The following HBS1L variants were observed in gnomAD, a reference collection of about 807,000 sequenced individuals.
HBS1L encodes HBS1 like translational GTPase, also known as HBS1-like protein.
In HBS1L, 55 loss-of-function variants were observed where a neutral mutation model predicts 88.9. The observed-to-expected ratio is 0.62, with a 90% confidence interval of 0.50 to 0.77. The LOEUF (loss-of-function observed/expected upper bound fraction) is 0.77. Among genes scored for constraint, HBS1L ranks in the 30% least tolerant of loss-of-function variants. The pLI is 0.00. For missense variants in HBS1L, 741 were observed against 829.3 expected, an observed-to-expected ratio of 0.89 and a Z score of 1.31; for synonymous variants, 267 against 288.5, an observed-to-expected ratio of 0.93 and a Z score of 0.76.
chr6:135,003,703 G>A (rs1174949611), intron 4 of HBS1L, among the ~76,000 whole-genome samples: 2 of 151,686 alleles, frequency 1.3e-5, no homozygotes, highest in South Asian at 2.1e-4. Flanking sequence ...CCTCTCTACT[G>A]AAAATACAAA....
At chr6:135,037,733 C>A (rs1365098311) in intron 4 of HBS1L, 2 of 1,551,012 alleles carry the variant, frequency 1.3e-6, no homozygotes, top group Non-Finnish European at 1.7e-6. Context: ...GATAATCTGA[C>A]TGATGGCTGA....
intron 15 of HBS1L, among the ~76,000 whole-genome samples, chr6:134,976,364 C>T (rs1353620451): frequency 1.4e-4 from 22 of 152,082 alleles, no homozygotes; most frequent in Admixed American, 1.4e-3. Flanking sequence ...TCTCAAAGAA[C>T]GAAAAGTAGA....
intron 4 of HBS1L, among the ~76,000 whole-genome samples, chr6:135,006,269 T>C (rs1044098965): frequency 8.5e-5 from 13 of 152,164 alleles, no homozygotes; most frequent in African/African-American, 2.7e-4. Flanking sequence ...GATCTGTAAG[T>C]AAAGAAGAAG....
In HBS1L at chr6:135,051,361, T is replaced by G. The variant is rs146700324; in HGVS notation, c.44-714A>C. Among the ~76,000 whole-genome samples the G allele has an allele frequency of 5.6e-3, 858 of 152,332 alleles. 6 individuals carry two copies. Among genetic ancestry groups the G allele is most frequent in the Non-Finnish European group, 9.5e-3 (648 of 68,024 alleles). Reference sequence around the variant, plus strand: ...CTCTTCCACAGAACATGGGGGTATATAATAGATCATGAAAGTAGTATTTCT... The same window carrying G: ...CTCTTCCACAGAACATGGGGGTATAGAATAGATCATGAAAGTAGTATTTCT... On this transcript the variant is annotated intron_variant, in intron 1 of 17. Transcript: ENST00000367837.
chr6:135,046,206 C>T (rs1046158325), intron 2 of HBS1L, among the ~76,000 whole-genome samples: 1 of 151,790 alleles, frequency 6.6e-6, no homozygotes, highest in Non-Finnish European at 1.5e-5. Flanking sequence ...TAGCTTCAAT[C>T]CCACCTCCTT....
At chr6:135,037,202 C>T (rs1326440186) in intron 4 of HBS1L, 1 of 1,551,794 alleles carries the variant, frequency 6.4e-7, no homozygotes, top group Admixed American at 2.0e-5. Context: ...CAGCGATTTG[C>T]TAATTGTGAC....
At chr6:134,986,702 A>C (rs757351462) in intron 10 of HBS1L, 34 bp downstream of exon 10, 1 of 1,219,140 alleles carries the variant, frequency 8.2e-7, no homozygotes, top group South Asian at 1.5e-5. Context: ...TGACTTAAGG[A>C]AAGTAATAAC....
intron 1 of HBS1L, among the ~76,000 whole-genome samples, chr6:135,053,969 C>A (rs1187565721): frequency 1.3e-5 from 2 of 152,180 alleles, no homozygotes; most frequent in African/African-American, 2.4e-5. Flanking sequence ...TCCTCTAGTA[C>A]TGCCGTTTAT....
At chr6:134,972,107 A>T (rs568188851) in intron 15 of HBS1L, among the ~76,000 whole-genome samples, 23 of 152,268 alleles carry the variant, frequency 1.5e-4, no homozygotes, top group African/African-American at 5.5e-4. Context: ...TAAAGTTCTA[A>T]CATTTCTGAA....
chr6:135,027,187 C>CAAAAAAAAAAA (rs71006749), intron 4 of HBS1L: 12 of 56,266 alleles, frequency 2.1e-4, no homozygotes, highest in South Asian at 7.7e-4. Flanking sequence ...GACTCTATCT[C>CAAAAAAAAAAA]AAAAAAAAAA....
chr6:135,044,971 G>A lies in HBS1L; in HGVS notation c.110-2845C>T, dbSNP rs548201244. Among the ~76,000 whole-genome samples the A allele has an allele frequency of 5.3e-5, 8 of 151,870 alleles. No individual in the cohort carries two copies. The East Asian group carries it at 1.4e-3, about 26-fold the overall frequency. ...GGTGGGGTCGAGGGTGGTCCTATAC[G>A]ACCACACACACCCAACACATAACTC... is the stretch of plus-strand genomic sequence containing the variant. On this transcript the variant is annotated intron_variant, in intron 2 of 17. Coordinates refer to ENST00000367837, the MANE Select transcript of HBS1L (RefSeq NM_006620.4).
chr6:135,011,975 G>T (rs1319679227), intron 4 of HBS1L, among the ~76,000 whole-genome samples: 2 of 146,770 alleles, frequency 1.4e-5, no homozygotes, highest in Non-Finnish European at 3.0e-5. Flanking sequence ...AAAAGAAAGT[G>T]AACAATAAAT....
rs191050353 is a variant in HBS1L at position 134,983,775 on chromosome 6, C to T, written c.1493-1213G>A. On this transcript the variant is annotated intron_variant, in intron 12 of 17. Transcript: ENST00000367837. ...CTCATGGATGTCAGTTCAAAAGGAA[C>T]TTGAAGACTAAGAAGAGGACTGAGG... Among the ~76,000 whole-genome samples the T allele has an allele frequency of 1.2e-3, 178 of 152,180 alleles. 2 individuals are homozygous for T. Among genetic ancestry groups the T allele is most frequent in the Non-Finnish European group, 2.2e-3 (148 of 67,988 alleles).
chr6:135,052,874 G>C (rs1244226230), intron 1 of HBS1L, among the ~76,000 whole-genome samples: 2 of 152,198 alleles, frequency 1.3e-5, no homozygotes, highest in Non-Finnish European at 2.9e-5. Flanking sequence ...GAGTTAAGTA[G>C]CGGAACCAGT....
intron 4 of HBS1L, 132 bp from the exon 5 acceptor site, chr6:135,002,974 T>C (rs1562290967): frequency 1.8e-6 from 1 of 546,566 alleles, no homozygotes; most frequent in Non-Finnish European, 3.2e-6. Context: ...ACATTATCTC[T>C]AAAAAAATTT....
At chr6:135,035,087 A>G (rs181086334) in intron 4 of HBS1L, among the ~76,000 whole-genome samples, 27 of 152,346 alleles carry the variant, frequency 1.8e-4, no homozygotes, top group African/African-American at 6.3e-4. Context: ...TGCATTGCTG[A>G]AACTTTGTCA....
rs1281092589 is a variant in HBS1L at position 135,054,453 on chromosome 6, C to T, written c.43+196G>A. Among the ~76,000 whole-genome samples the T allele has an allele frequency of 3.9e-5, 6 of 152,234 alleles. No individual in the cohort carries two copies. In the East Asian group the frequency reaches 9.6e-4, roughly 24 times the overall value. On this transcript the variant is annotated intron_variant, in intron 1 of 17. Coordinates refer to ENST00000367837, the MANE Select transcript of HBS1L (RefSeq NM_006620.4). ...CCCCCTCCCCAAATAAAATCAACCC[C>T]AGAGGGCAGAAATCATGACTTAAAA... is the stretch of plus-strand genomic sequence containing the variant.
At chr6:134,983,209 G>T in intron 12 of HBS1L, 1 of 152,162 alleles carries the variant, frequency 6.6e-6, no homozygotes. Flanking sequence ...TAAGACAGGA[G>T]GCAACAGAGA....
Position 134,987,687 on chromosome 6 carries a change from C to T in HBS1L, c.1188G>A (p.Leu396=). The T allele has an allele frequency of 2.5e-6, 4 of 1,607,878 alleles. No individual in the cohort carries two copies. The African/African-American group carries it at 5.4e-5, about 22-fold the overall frequency. The change falls in exon 9 of 18, where the codon CTG becomes CTA. Residue 396 remains leucine (L), a synonymous_variant. Transcript: ENST00000367837. ...TREHGLLVRS[L]GVTQLAVAVN... ...CTGCAACTGCAAGCTGCGTCACTCCCAGAGAACGGACCAAGAGTCCATGCT... is the reference window on the plus strand; with the variant it reads ...CTGCAACTGCAAGCTGCGTCACTCCTAGAGAACGGACCAAGAGTCCATGCT...
Sources: allele counts gnomAD v4.1 joint callset (sites outside exome capture counted in the v4.1 genomes callset), GRCh38; gene constraint gnomAD v4.1.1; transcripts MANE v1.5; gene names NCBI Gene and HGNC (gene_info 2026-07-23, HGNC 2026-07-21).